FMO5: variants seen among roughly 807,000 people sequenced by gnomAD.
The protein encoded by FMO5 is flavin-containing monooxygenase 5.
A neutral mutation model predicts 43.6 loss-of-function variants in FMO5; 51 were observed. The observed-to-expected ratio is 1.17, with a 90% CI of 0.93 to 1.48. FMO5 has a LOEUF of 1.48. Among genes scored for constraint, FMO5 ranks in the 40% most tolerant of loss-of-function variants. The probability of loss-of-function intolerance (pLI) is 0.00; values close to 1 mark genes in which losing one functional copy is unlikely to be tolerated. For missense variants in FMO5, 644 were observed against 643.0 expected (o/e 1.00, Z -0.02); for synonymous variants, 187 against 216.5 (o/e 0.86, Z 1.20).
intron 2 of FMO5, among the ~76,000 whole-genome samples, chr1:147,223,332 A>G (rs1416136626): frequency 1.3e-5 from 2 of 152,244 alleles, no homozygotes; most frequent in Non-Finnish European, 2.9e-5. Flanking sequence ...AATAAGGATG[A>G]TTGTCACATA....
chr1:147,208,771 G>T, intron 6 of FMO5, 81 bp downstream of exon 6: 2 of 1,161,600 alleles, frequency 1.7e-6, no homozygotes, highest in Non-Finnish European at 1.3e-6. Context: ...GGGTAGAGGT[G>T]GCTTTACTAT....
chr1:147,204,007 A>G, intron 6 of FMO5: 1 of 1,166,596 alleles, frequency 8.6e-7, no homozygotes, highest in South Asian at 1.2e-5. Context: ...CTAACATCAT[A>G]TTATATTTGT....
intron 6 of FMO5, chr1:147,204,560 C>T: frequency 1.9e-6 from 3 of 1,587,518 alleles, no homozygotes; most frequent in South Asian, 1.1e-5. Flanking sequence ...ACCTCTGAAA[C>T]TGACAGGCCA....
intron 3 of FMO5, chr1:147,215,078 C>G (rs1401622925): frequency 6.6e-6 from 1 of 152,050 alleles, no homozygotes; most frequent in Non-Finnish European, 1.5e-5. Flanking sequence ...CTTTTATGGT[C>G]ATGATCAGAA....
chr1:147,187,333 CT>C, intron 8 of FMO5, 88 bp from the exon 9 acceptor site: 3 of 889,626 alleles, frequency 3.4e-6, no homozygotes, highest in Non-Finnish European at 5.2e-6. Context: ...CTGCTATTGG[CT>C]CAATATCAGA....
Position 147,213,440 on chromosome 1 carries a change from C to T in FMO5, c.355G>A (p.Asp119Asn), listed in dbSNP as rs367897328. The T allele has an allele frequency of 6.2e-7, 1 of 1,611,510 alleles. No individual in the cohort carries two copies. Among genetic ancestry groups the T allele is most frequent in the Non-Finnish European group, 8.5e-7 (1 of 1,178,662 alleles). Reference protein sequence around the residue: ...TTVCSVKKQPDFATSGQWEVV... With the variant: ...TTVCSVKKQPNFATSGQWEVV... Reference sequence around the variant, plus strand: ...TCCCATTGGCCTGAAGTGGCAAAATCAGGCTGCTTCTTCACACTGCACACA... The same window carrying T: ...TCCCATTGGCCTGAAGTGGCAAAATTAGGCTGCTTCTTCACACTGCACACA... Residue 119 changes from aspartate (D) to asparagine (N), a missense_variant, in exon 4 of 9, where the codon GAT becomes AAT. Coordinates refer to ENST00000254090, the MANE Select transcript of FMO5 (RefSeq NM_001461.4).
Position 147,187,139 on chromosome 1 carries a change from T to C in FMO5, c.1363A>G (p.Thr455Ala), listed in dbSNP as rs373872924. 11 of 1,614,142 alleles carry C rather than the reference T, an allele frequency of 6.8e-6. No homozygotes were observed. Among genetic ancestry groups the C allele is most frequent in the Non-Finnish European group, 7.6e-6 (9 of 1,180,002 alleles). The change falls in exon 9 of 9, where the codon ACT becomes GCT. Residue 455 changes from threonine to alanine, a missense_variant. Physicochemically the swap from Thr to Ala is moderately conservative, Grantham distance 58. Coordinates refer to ENST00000254090, the MANE Select transcript of FMO5 (RefSeq NM_001461.4). ...AAGTGTAATGCCAGCTTGGGGTCAG[T>C]GAAGGCCAGAGACAGCAGATTGGGC... is the stretch of plus-strand genomic sequence containing the variant. ...VRPNLLSLAFTDPKLALHLLL... is the reference protein window; with the variant it reads ...VRPNLLSLAFADPKLALHLLL...
rs1192276540 is a variant in FMO5 at position 147,186,578 on chromosome 1, T to C, written c.*322A>G. The C allele has an allele frequency of 1.1e-5, 11 of 1,038,066 alleles. No homozygotes were observed. Among genetic ancestry groups the C allele is most frequent in the Non-Finnish European group, 1.3e-5 (11 of 865,364 alleles). The allele number at this position is 1,038,066 out of a possible 1,614,324, so 64.3% of individuals were successfully genotyped here. On this transcript the variant is annotated 3_prime_UTR_variant, in exon 9 of 9. Transcript: ENST00000254090. ...TTACTCTCCCTACCATAAAATTTGA[T>C]AAACAACAAACATTTATTAAGCACC...
At chr1:147,224,762 G>C in intron 2 of FMO5, 133 bp downstream of exon 2, 2 of 760,292 alleles carry the variant, frequency 2.6e-6, no homozygotes, top group Non-Finnish European at 4.4e-6. Context: ...CGCCCGCCTC[G>C]GCCTCCCAAA....
intron 4 of FMO5, among the ~76,000 whole-genome samples, chr1:147,213,012 A>C (rs1661342673): frequency 6.6e-6 from 1 of 151,894 alleles, no homozygotes; most frequent in African/African-American, 2.4e-5. Context: ...AAAATTCCTT[A>C]TTCTACCTAA....
At chr1:147,217,630 T>C (rs1031230901) in intron 2 of FMO5, among the ~76,000 whole-genome samples, 7 of 152,226 alleles carry the variant, frequency 4.6e-5, no homozygotes, top group Non-Finnish European at 8.8e-5. Flanking sequence ...CTCTGACCTA[T>C]AATCCAACAT....
chr1:147,226,320 C>A (rs1553927849), upstream of FMO5, among the ~76,000 whole-genome samples: 1 of 152,026 alleles, frequency 6.6e-6, no homozygotes, highest in Non-Finnish European at 1.5e-5. Flanking sequence ...ACTTTTAAAT[C>A]CCCATGCACT....
At chr1:147,194,797 G>C (rs1657646892) in intron 7 of FMO5, among the ~76,000 whole-genome samples, 1 of 151,908 alleles carries the variant, frequency 6.6e-6, no homozygotes, top group Non-Finnish European at 1.5e-5. Context: ...GAAATTCTGG[G>C]TTGAAAATTC....
intron 7 of FMO5, among the ~76,000 whole-genome samples, 165 bp downstream of exon 7, chr1:147,200,986 TA>T (rs1299950464): frequency 2.0e-5 from 3 of 152,362 alleles, no homozygotes; most frequent in Admixed American, 1.3e-4. Flanking sequence ...TCCATGGTTA[TA>T]AATTGCTACT....
intron 7 of FMO5, among the ~76,000 whole-genome samples, chr1:147,199,443 C>T (rs1465603196): frequency 3.3e-5 from 5 of 152,142 alleles, no homozygotes; most frequent in African/African-American, 1.2e-4. Context: ...GAGGAATTAG[C>T]ACTAGGCTTC....
At chr1:147,208,701 A>G (rs1660549081) in intron 6 of FMO5, 151 bp downstream of exon 6, 2 of 598,682 alleles carry the variant, frequency 3.3e-6, no homozygotes, top group Non-Finnish European at 5.9e-6. Flanking sequence ...CGCCTCCCAG[A>G]GTGCTGGGAT....
Position 147,187,236 on chromosome 1 carries a change from C to T in FMO5, c.1266G>A (p.Glu422=). The T allele has an allele frequency of 6.3e-7, 1 of 1,594,726 alleles. No individual in the cohort carries two copies. The highest frequency in any genetic ancestry group is 1.1e-5 in the South Asian group (1 of 87,840). The part of the protein sequence containing the change: ...AQEEIDKRYV[E]SQRHTIQGDY... ...CTCCCTGAATGGTATGGCGTTGGCTCTCCACATACCTAAAGTAGAAAAGAC... is the reference window on the plus strand; with the variant it reads ...CTCCCTGAATGGTATGGCGTTGGCTTTCCACATACCTAAAGTAGAAAAGAC... The change falls in exon 9 of 9, where the codon GAG becomes GAA. Residue 422 remains glutamate, a synonymous_variant. Coordinates refer to ENST00000254090, the MANE Select transcript of FMO5 (RefSeq NM_001461.4).
intron 4 of FMO5, among the ~76,000 whole-genome samples, chr1:147,212,993 T>C (rs1220458923): frequency 6.6e-6 from 1 of 152,148 alleles, no homozygotes; most frequent in Non-Finnish European, 1.5e-5. Context: ...TATTTGTGTT[T>C]ACTGCTGAAA....
chr1:147,212,604 G>GT (rs758203330), intron 4 of FMO5, 69 bp from the exon 5 acceptor site: 1,777 of 1,426,912 alleles, frequency 1.2e-3, no homozygotes, highest in Non-Finnish European at 9.9e-4. Flanking sequence ...CAAGTCATTT[G>GT]TTTTTTTTGC....
Sources: gnomAD v4.1 joint callset for allele counts (sites outside exome capture counted in the v4.1 genomes callset) on GRCh38, gnomAD v4.1.1 for gene constraint, MANE v1.5 for transcripts, NCBI Gene and HGNC (gene_info 2026-07-23, HGNC 2026-07-21) for gene names.